TCF7L2: variants seen among roughly 807,000 people sequenced by gnomAD.
The protein encoded by TCF7L2 is transcription factor 7-like 2.
A neutral mutation model predicts 77.9 loss-of-function variants in TCF7L2; 23 were observed. The observed-to-expected ratio is 0.30, with a 90% CI of 0.21 to 0.42. The LOEUF is 0.42. Ranked by LOEUF, TCF7L2 falls within the 10% of genes least tolerant of loss-of-function variation. The pLI is 1.00. For synonymous variants in TCF7L2, 413 were observed against 340.2 expected, an observed-to-expected ratio of 1.21 and a Z score of -2.36; for missense variants, 654 against 793.1, an observed-to-expected ratio of 0.82 and a Z score of 2.11.
At position 112,964,580 on chromosome 10, in the gene TCF7L2, C is replaced by T; in HGVS notation, c.406C>T (p.His136Tyr). ...GCTCCATTTTCAGTCCGGCAGCACA[C>T]ATTACTCTGCGTACAAAACGATTGA... The change falls in exon 4 of 14, where the codon CAT (histidine) becomes TAT (tyrosine). Residue 136 changes from histidine (H) to tyrosine (Y), a missense_variant. Physicochemically the swap from His to Tyr is moderately conservative, Grantham distance 83 (BLOSUM62 2). This residue lies in a region of TCF7L2 where 132 missense variants were observed against 123.7 expected (regional missense o/e 1.07). Transcript: ENST00000627217. The T allele has an allele frequency of 6.2e-7, 1 of 1,613,478 alleles. No homozygotes were observed. The highest frequency in any genetic ancestry group is 1.7e-4 in the Middle Eastern group (1 of 6,060).
chr10:112,982,734 C>T (rs570737592), intron 4 of TCF7L2, among the ~76,000 whole-genome samples: 32 of 152,298 alleles, frequency 2.1e-4, no homozygotes, highest in African/African-American at 7.2e-4. Context: ...AAACAATTCT[C>T]CTGCCTCAGC....
chr10:113,061,572 C>G (rs2056450556), intron 5 of TCF7L2, among the ~76,000 whole-genome samples: 1 of 152,156 alleles, frequency 6.6e-6, no homozygotes, highest in Admixed American at 6.5e-5. Flanking sequence ...GGGTGCAGAT[C>G]ACACAAATAT....
intron 12 of TCF7L2, chr10:113,160,477 C>T: frequency 1.7e-6 from 1 of 577,110 alleles, no homozygotes; most frequent in South Asian, 4.4e-5. Context: ...AAGTCCTTTC[C>T]TTTCATGTCC....
chr10:113,124,556 G>A lies in TCF7L2; in HGVS notation c.553-16628G>A, dbSNP rs142183858. Among the ~76,000 whole-genome samples the A allele has an allele frequency of 2.4e-3, 368 of 152,120 alleles. 3 individuals are homozygous for A. The highest frequency in any genetic ancestry group is 4.5e-3 in the Non-Finnish European group (303 of 68,004). On this transcript the variant is annotated intron_variant, in intron 5 of 13. Coordinates refer to ENST00000627217, the MANE Select transcript of TCF7L2 (RefSeq NM_001146274.2). ...TTCCTAAAACATCTAAGAAATCGCC[G>A]TATATATCTATGTATGCATATATGT... is the stretch of plus-strand genomic sequence containing the variant.
chr10:113,115,400 A>T (rs2063589048), intron 5 of TCF7L2, among the ~76,000 whole-genome samples: 1 of 152,164 alleles, frequency 6.6e-6, no homozygotes, highest in South Asian at 2.1e-4. Context: ...GTTTTCCTGA[A>T]TTTTTTCCCT....
intron 4 of TCF7L2, among the ~76,000 whole-genome samples, chr10:113,025,337 C>T (rs990297946): frequency 2.0e-5 from 3 of 150,006 alleles, no homozygotes; most frequent in African/African-American, 7.4e-5. Flanking sequence ...CTCCTGGGTT[C>T]AAGTGATTCT....
intron 4 of TCF7L2, among the ~76,000 whole-genome samples, chr10:113,008,609 C>T (rs1206548344): frequency 2.6e-5 from 4 of 152,238 alleles, no homozygotes; most frequent in African/African-American, 9.7e-5. Flanking sequence ...CTCAGTCTCA[C>T]TGTAATCCTT....
intron 5 of TCF7L2, chr10:113,126,779 A>G: frequency 1.0e-6 from 1 of 984,998 alleles, no homozygotes; most frequent in Non-Finnish European, 1.2e-6. Flanking sequence ...GCTGCCCTCC[A>G]GTGGAGCCCG....
intron 5 of TCF7L2, among the ~76,000 whole-genome samples, chr10:113,058,436 G>A (rs1446306292): frequency 1.3e-5 from 2 of 152,112 alleles, no homozygotes; most frequent in Non-Finnish European, 2.9e-5. Flanking sequence ...AGAGGGAAAA[G>A]AAAGGTATAG....
intron 4 of TCF7L2, among the ~76,000 whole-genome samples, chr10:112,999,679 G>T (rs2044129820): frequency 6.6e-6 from 1 of 152,180 alleles, no homozygotes; most frequent in Admixed American, 6.5e-5. Flanking sequence ...AACATCCTGG[G>T]CTAAGGGTTT....
At chr10:113,051,263 AC>A (rs1324494998) in intron 5 of TCF7L2, among the ~76,000 whole-genome samples, 3 of 150,814 alleles carry the variant, frequency 2.0e-5, no homozygotes, top group South Asian at 2.1e-4. Context: ...ATATGCACAC[AC>A]CCCGACTCAA....
chr10:112,964,814 G>GTGGTGGTGATGGT (rs1400096451), intron 4 of TCF7L2, among the ~76,000 whole-genome samples, 190 bp downstream of exon 4: 4 of 116,110 alleles, frequency 3.4e-5, no homozygotes, highest in Non-Finnish European at 6.8e-5. Context: ...GGTGGTGGTG[G>GTGGTGGTGATGGT]GGGGGGGTTG....
chr10:112,964,583 T>C lies in TCF7L2; in HGVS notation c.409T>C (p.Tyr137His), dbSNP rs750762501. The change falls in exon 4 of 14, where the codon TAC (tyrosine) becomes CAC (histidine). Residue 137 changes from tyrosine (Y) to histidine (H), a missense_variant. By Grantham distance (83) the Tyr-to-His change is moderately conservative (BLOSUM62 2). This residue lies in a region of TCF7L2 where 132 missense variants were observed against 123.7 expected (regional missense o/e 1.07). Transcript: ENST00000627217. ...CCATTTTCAGTCCGGCAGCACACAT[T>C]ACTCTGCGTACAAAACGATTGAACA... The C allele has an allele frequency of 1.9e-6, 3 of 1,613,580 alleles. No homozygotes were observed. The African/African-American group carries it at 4.0e-5, about 22-fold the overall frequency.
intron 4 of TCF7L2, among the ~76,000 whole-genome samples, chr10:112,966,193 TATA>T (rs1385035698): frequency 1.5e-5 from 2 of 136,674 alleles, no homozygotes; most frequent in Non-Finnish European, 3.0e-5. Context: ...TTTATATATA[TATA>T]TATATATATA....
chr10:113,159,451 T>TAA (rs1163048490), intron 12 of TCF7L2, among the ~76,000 whole-genome samples: 2 of 152,162 alleles, frequency 1.3e-5, no homozygotes. Flanking sequence ...TTTCTTTTTT[T>TAA]AAACTATTGT....
At chr10:113,047,075 G>A (rs369740905) in intron 5 of TCF7L2, among the ~76,000 whole-genome samples, 2 of 152,206 alleles carry the variant, frequency 1.3e-5, no homozygotes, top group African/African-American at 4.8e-5. Flanking sequence ...ATATTGTTGG[G>A]TCTTTAGATT....
intron 5 of TCF7L2, among the ~76,000 whole-genome samples, chr10:113,043,327 G>A (rs569337289): frequency 7.8e-4 from 119 of 152,338 alleles, no homozygotes; most frequent in African/African-American, 2.8e-3. Flanking sequence ...TACCACATTA[G>A]AAACGATTGA....
chr10:113,064,265 C>T (rs2056938907), intron 5 of TCF7L2, among the ~76,000 whole-genome samples: 1 of 152,150 alleles, frequency 6.6e-6, no homozygotes, highest in Non-Finnish European at 1.5e-5. Flanking sequence ...GAGGGAGGGG[C>T]CAGGCCCAAA....
intron 5 of TCF7L2, among the ~76,000 whole-genome samples, chr10:113,070,603 A>G (rs1053172063): frequency 1.3e-5 from 2 of 152,118 alleles, no homozygotes; most frequent in African/African-American, 2.4e-5. Flanking sequence ...GACATTTTGG[A>G]GTAGATACTA....
Sources: allele counts gnomAD v4.1 joint callset (sites outside exome capture counted in the v4.1 genomes callset), GRCh38; gene constraint gnomAD v4.1.1; regional missense constraint gnomAD v4.1.1; transcripts MANE v1.5; gene names NCBI Gene and HGNC (gene_info 2026-07-23, HGNC 2026-07-21).